EFCAB8: variants seen among roughly 807,000 people sequenced by gnomAD.
EFCAB8 encodes EF-hand calcium-binding domain-containing protein 8.
Under a neutral mutation model 116.3 loss-of-function variants are expected in EFCAB8, and 100 were observed. That is an observed-to-expected ratio of 0.86 (90% confidence interval 0.73 to 1.02). The LOEUF is 1.02. Among genes scored for constraint, EFCAB8 ranks in the 50% least tolerant of loss-of-function variants. The pLI, the probability that EFCAB8 is intolerant of heterozygous loss-of-function variation, is 0.00. For synonymous variants in EFCAB8, 558 were observed against 567.9 expected (o/e 0.98, Z 0.25); for missense variants, 1,320 against 1,416.9 (o/e 0.93, Z 1.10).
chr20:32,923,293 C>T (rs1006245315), intron 20 of EFCAB8, among the ~76,000 whole-genome samples: 1 of 152,150 alleles, frequency 6.6e-6, no homozygotes, highest in African/African-American at 2.4e-5. Flanking sequence ...CGAAACCAGC[C>T]TGGGCAACAC....
At chr20:32,957,726 T>C (rs1989015312) in intron 23 of EFCAB8, among the ~76,000 whole-genome samples, 3 of 152,030 alleles carry the variant, frequency 2.0e-5, no homozygotes. Context: ...GGTTTCTCTC[T>C]CTCTAAGCCA....
intron 2 of EFCAB8, among the ~76,000 whole-genome samples, chr20:32,865,640 A>G (rs1417480026): frequency 6.6e-6 from 1 of 152,006 alleles, no homozygotes. Context: ...TCTACTAAAA[A>G]TACAAAAAAT....
chr20:32,860,167 G>A (rs565097926), intron 1 of EFCAB8, among the ~76,000 whole-genome samples: 1 of 152,256 alleles, frequency 6.6e-6, no homozygotes, highest in Non-Finnish European at 1.5e-5. Flanking sequence ...AGTTAGCTGG[G>A]CATGGTGGCG....
At chr20:32,949,866 G>A (rs982029853) in intron 23 of EFCAB8, among the ~76,000 whole-genome samples, 1 of 152,168 alleles carries the variant, frequency 6.6e-6, no homozygotes, top group Non-Finnish European at 1.5e-5. Context: ...CAGGCATGGC[G>A]GTGCCTGCCT....
Position 32,885,562 on chromosome 20 carries a change from C to T in EFCAB8, c.489C>T (p.Ile163=), listed in dbSNP as rs766269545. The stretch of plus-strand genomic sequence containing the variant: ...TTTTAATCCACCGGTTCAAGAAGAT[C>T]GGGTGTTTCCTGACTGTCACCAAAG... ...VVFLIHRFKK[I]GCFLTVTKDG... Residue 163 remains isoleucine (I), a synonymous_variant, in exon 6 of 27, where the codon ATC becomes ATT. Transcript: ENST00000400522. 2.7e-5 allele frequency: 42 copies of T among 1,551,610 alleles called. No homozygotes were observed. Among genetic ancestry groups the T allele is most frequent in the Non-Finnish European group, 3.2e-5 (37 of 1,147,006 alleles).
At chr20:32,866,645 C>T (rs536135112) in intron 2 of EFCAB8, among the ~76,000 whole-genome samples, 1 of 152,116 alleles carries the variant, frequency 6.6e-6, no homozygotes, top group African/African-American at 2.4e-5. Flanking sequence ...CAGGTGAGCT[C>T]ATCTGACCGA....
chr20:32,949,194 G>A (rs1200407193), intron 23 of EFCAB8, among the ~76,000 whole-genome samples: 2 of 152,034 alleles, frequency 1.3e-5, no homozygotes, highest in East Asian at 3.8e-4. Flanking sequence ...GCCAGAAATT[G>A]AAGTAAAAGA....
rs531992018 is a variant in EFCAB8 at position 32,899,794 on chromosome 20, G to A, written c.1088+1171G>A. ...TCTCTGTGTTGGTCAGGCTGGTCTC[G>A]AACTCCTGATCTCAGGTTATCAGCC... On this transcript the variant is annotated intron_variant, in intron 11 of 26. Transcript: ENST00000400522. Among the ~76,000 whole-genome samples, 10 of 152,132 alleles carry A rather than the reference G, an allele frequency of 6.6e-5. No individual in the cohort carries two copies. The East Asian group carries it at 1.2e-3, about 18-fold the overall frequency.
intron 23 of EFCAB8, among the ~76,000 whole-genome samples, chr20:32,951,944 T>G (rs1169625850): frequency 6.6e-6 from 1 of 152,218 alleles, no homozygotes; most frequent in Non-Finnish European, 1.5e-5. Context: ...GGCTTGTGTT[T>G]ACATTCTCTT....
rs140949689 is a variant in EFCAB8 at position 32,861,971 on chromosome 20, T to C, written c.-10-1812T>C. Among the ~76,000 whole-genome samples the C allele has an allele frequency of 1.8e-3, 272 of 152,276 alleles. 1 individual carries two copies. The highest frequency in any genetic ancestry group is 6.0e-3 in the African/African-American group (250 of 41,572). On this transcript the variant is annotated intron_variant, in intron 1 of 26. Coordinates refer to ENST00000400522, the MANE Select transcript of EFCAB8 (RefSeq NM_001143967.2). ...TTTCACTGGTAACCTCTTAATTGCC[T>C]TTTTCAGTGGCTGTTTCTTTCCCTT...
At chr20:32,937,326 T>G (rs1018133493) in intron 22 of EFCAB8, among the ~76,000 whole-genome samples, 2 of 152,140 alleles carry the variant, frequency 1.3e-5, no homozygotes, top group African/African-American at 2.4e-5. Flanking sequence ...TATTTCACCT[T>G]ATGGAGTTAC....
At chr20:32,873,544 TTA>T (rs1479073472) in intron 3 of EFCAB8, among the ~76,000 whole-genome samples, 2 of 151,962 alleles carry the variant, frequency 1.3e-5, no homozygotes, top group African/African-American at 4.8e-5. Context: ...CAGCCAAAGT[TTA>T]TATTTTGATA....
At chr20:32,921,361 T>TTTTGTG (rs113180434) in intron 20 of EFCAB8, among the ~76,000 whole-genome samples, 2 of 129,162 alleles carry the variant, frequency 1.5e-5, no homozygotes, top group Non-Finnish European at 3.1e-5. Flanking sequence ...CCCAGCTATT[T>TTTTGTG]TGTGTGTGTG....
Position 32,878,731 on chromosome 20 carries a change from G to A in EFCAB8, c.355G>A (p.Glu119Lys), listed in dbSNP as rs910430428. 1 of 1,551,908 alleles carries A rather than the reference G, an allele frequency of 6.4e-7. No individual in the cohort carries two copies. ...AAAGTATGTGGATTACATGATGCGT[G>A]AGTTCCAGGGAAAAGAGGACATGCG... ...WQKYVDYMMREFQGKEDMRKS... is the reference protein window; with the variant it reads ...WQKYVDYMMRKFQGKEDMRKS... The change falls in exon 5 of 27, where the codon GAG (glutamate) becomes AAG (lysine). Residue 119 changes from glutamate to lysine, a missense_variant. Transcript: ENST00000400522.
intron 5 of EFCAB8, among the ~76,000 whole-genome samples, chr20:32,879,881 TCA>T (rs1334375336): frequency 6.6e-6 from 1 of 152,122 alleles, no homozygotes; most frequent in Admixed American, 6.6e-5. Flanking sequence ...GTAGCATCTC[TCA>T]GACCCCTCAA....
intron 5 of EFCAB8, among the ~76,000 whole-genome samples, chr20:32,880,425 T>A (rs937186550): frequency 6.6e-6 from 1 of 152,096 alleles, no homozygotes; most frequent in Admixed American, 6.6e-5. Context: ...CCTGCCACCA[T>A]GCCTGACTAA....
chr20:32,880,929 A>G (rs1331160507), intron 5 of EFCAB8, among the ~76,000 whole-genome samples: 6 of 152,104 alleles, frequency 3.9e-5, no homozygotes, highest in African/African-American at 1.4e-4. Context: ...ACAGGCCCCC[A>G]CTCCTGGTTT....
intron 15 of EFCAB8, among the ~76,000 whole-genome samples, chr20:32,910,645 C>T (rs1455913884): frequency 6.6e-6 from 1 of 151,758 alleles, no homozygotes; most frequent in Non-Finnish European, 1.5e-5. Flanking sequence ...CTCTTCAGTA[C>T]CTTAAAAAAG....
chr20:32,871,086 C>T (rs1487325238), intron 3 of EFCAB8, among the ~76,000 whole-genome samples: 1 of 151,942 alleles, frequency 6.6e-6, no homozygotes, highest in African/African-American at 2.4e-5. Flanking sequence ...CTCCTGACCT[C>T]AGGTGATCCA....
Sources: allele counts gnomAD v4.1 joint callset (sites outside exome capture counted in the v4.1 genomes callset), GRCh38; gene constraint gnomAD v4.1.1; transcripts MANE v1.5; gene names NCBI Gene and HGNC (gene_info 2026-07-23, HGNC 2026-07-21).